TEKT4: variants seen among roughly 807,000 people sequenced by gnomAD.
TEKT4 encodes tektin-4.
In TEKT4, 46 loss-of-function variants were observed where a neutral mutation model predicts 46.0. That is an observed-to-expected ratio of 1.00 (90% CI 0.79 to 1.28). The LOEUF (loss-of-function observed/expected upper bound fraction) is 1.28. Among genes scored for constraint, TEKT4 ranks in the 50% most tolerant of loss-of-function variants. TEKT4 has a pLI of 0.00. For synonymous variants in TEKT4, 325 were observed against 265.8 expected, an observed-to-expected ratio of 1.22 and a Z score of -2.17; for missense variants, 790 against 622.9, an observed-to-expected ratio of 1.27 and a Z score of -2.85.
chr2:94,871,460 A>T lies in TEKT4; in HGVS notation c.-120A>T. On this transcript the variant is annotated 5_prime_UTR_variant, in exon 1 of 6. Coordinates refer to ENST00000295201, the MANE Select transcript of TEKT4 (RefSeq NM_144705.4). ...ACACAGTGTCACCCAAGCGACTGGG[A>T]GCCGCGTCCTGCTCTGGGACTGAGC... 1.5e-6 allele frequency: 2 copies of T among 1,294,510 alleles called. No homozygotes were observed. The highest frequency in any genetic ancestry group is 3.0e-5 in the African/African-American group (2 of 66,790). 80.2% of individuals were successfully genotyped at this position (1,294,510 alleles called of 1,614,324 possible). A position where few individuals can be genotyped will look rare whatever the true frequency, so the allele number is the denominator to read the frequency against.
In TEKT4 at chr2:94,874,200, G is replaced by A. The variant is rs1553395634; in HGVS notation, c.713+92G>A. The stretch of plus-strand genomic sequence containing the variant: ...CAGCGGCGCTGCTTTCACCAGCCTG[G>A]CCCGGAGGCCCTCGCCCCCGAGGGC... On this transcript the variant is annotated intron_variant, in intron 3 of 5. Coordinates refer to ENST00000295201, the MANE Select transcript of TEKT4 (RefSeq NM_144705.4). The A allele has an allele frequency of 1.2e-5, 18 of 1,440,708 alleles. No individual in the cohort carries two copies. The Admixed American group carries it at 1.6e-4, about 13-fold the overall frequency. 89.2% of individuals were successfully genotyped at this position (1,440,708 alleles called of 1,614,324 possible). A position where few individuals can be genotyped will look rare whatever the true frequency, so the allele number is the denominator to read the frequency against.
At position 94,874,062 on chromosome 2, in the gene TEKT4, A is replaced by G; in HGVS notation, c.667A>G (p.Ser223Gly). ...GACCTGCGGGCGCCACCACAGCCAG[A>G]GCACCGAGGTGCAGGCTCATCCGTA... Reference protein sequence around the residue: ...DETCGRHHSQSTEVQAHPYST... With the variant: ...DETCGRHHSQGTEVQAHPYST... Residue 223 changes from serine to glycine, a missense_variant, in exon 3 of 6, where the codon AGC becomes GGC. Coordinates refer to ENST00000295201, the MANE Select transcript of TEKT4 (RefSeq NM_144705.4). 1 of 1,613,652 alleles carries G rather than the reference A, an allele frequency of 6.2e-7. No individual in the cohort carries two copies.
Position 94,871,545 on chromosome 2 carries a change from C to A in TEKT4, c.-35C>A. 1 of 1,549,390 alleles carries A rather than the reference C, an allele frequency of 6.5e-7. No individual in the cohort carries two copies. Among genetic ancestry groups the A allele is most frequent in the Non-Finnish European group, 8.7e-7 (1 of 1,148,484 alleles). The stretch of plus-strand genomic sequence containing the variant: ...CCGCAACCGGCTGACCACACACAGT[C>A]CTCACTCCCCTGGCCCTGGTGGGCG... On this transcript the variant is annotated 5_prime_UTR_variant, in exon 1 of 6. Coordinates refer to ENST00000295201, the MANE Select transcript of TEKT4 (RefSeq NM_144705.4).
At chr2:94,873,728 G>T (rs1320345282) in intron 2 of TEKT4, 138 bp downstream of exon 2, 25 of 1,308,212 alleles carry the variant, frequency 1.9e-5, no homozygotes, top group Admixed American at 1.1e-4. Flanking sequence ...AGGACTGGGT[G>T]GGGGAGGTTC....
rs781840453 is a variant in TEKT4, at chr2:94,874,875, C to G, written c.813C>G (p.Asp271Glu). 28 of 1,610,182 alleles carry G rather than the reference C, an allele frequency of 1.7e-5. No homozygotes were observed. In the Admixed American group the frequency reaches 3.5e-4, roughly 20 times the overall value. Residue 271 changes from aspartate to glutamate, a missense_variant, in exon 4 of 6, where the codon GAC (aspartate) becomes GAG (glutamate). Coordinates refer to ENST00000295201, the MANE Select transcript of TEKT4 (RefSeq NM_144705.4). ...LASANLRVLV[D>E]CILRDTSEDL... The stretch of plus-strand genomic sequence containing the variant: ...CGGCCAACCTGCGGGTGCTGGTGGA[C>G]TGCATCCTTCGCGACACCTCCGAGG...
rs1483443448 is a variant in TEKT4, at chr2:94,875,646, A to G, written c.995A>G (p.Lys332Arg). 9.3e-6 allele frequency: 15 copies of G among 1,614,072 alleles called. No homozygotes were observed. Among genetic ancestry groups the G allele is most frequent in the Non-Finnish European group, 1.2e-5 (14 of 1,180,016 alleles). The part of the protein sequence containing the change: ...HNVAALKQAI[K>R]DKEAPLHVAQ... ...GTGGCGGCACTGAAGCAGGCCATCA[A>G]GGACAAAGAGGCACCTCTGCACGTA... The change falls in exon 5 of 6, where the codon AAG (lysine) becomes AGG (arginine). Residue 332 changes from lysine (K) to arginine (R), a missense_variant. Transcript: ENST00000295201.
Position 94,876,822 on chromosome 2 carries a change from T to A in TEKT4, c.*53T>A, listed in dbSNP as rs1363132643. On this transcript the variant is annotated 3_prime_UTR_variant, in exon 6 of 6. Coordinates refer to ENST00000295201, the MANE Select transcript of TEKT4 (RefSeq NM_144705.4). ...CCCCAAATAAACAGCGCGTTAGCTT[T>A]CTGCACAGTGTGTGTGTGTGCACGG... The A allele has an allele frequency of 1.7e-5, 26 of 1,525,346 alleles. No individual in the cohort carries two copies. In the East Asian group the frequency reaches 5.8e-4, roughly 34 times the overall value. 94.5% of individuals were successfully genotyped at this position (1,525,346 alleles called of 1,614,324 possible).
chr2:94,873,717 C>T (rs1477572116), intron 2 of TEKT4, 127 bp downstream of exon 2: 112 of 1,371,334 alleles, frequency 8.2e-5, no homozygotes, highest in Non-Finnish European at 1.1e-4. Flanking sequence ...CAGTGGAGCG[C>T]AGGACTGGGT....
chr2:94,872,952 C>G (rs112976342), intron 1 of TEKT4: 2 of 1,289,322 alleles, frequency 1.6e-6, no homozygotes, highest in Non-Finnish European at 2.0e-6. Context: ...GATAGAGGGG[C>G]GCAGGACCCG....
intron 4 of TEKT4, among the ~76,000 whole-genome samples, chr2:94,875,203 T>C (rs543295986): frequency 2.6e-5 from 4 of 152,272 alleles, no homozygotes; most frequent in Admixed American, 2.6e-4. Context: ...GTGGGGAGGA[T>C]GGAGGCAGGA....
At chr2:94,874,271 T>A (rs534994037) in intron 3 of TEKT4, among the ~76,000 whole-genome samples, 163 bp downstream of exon 3, 2 of 152,050 alleles carry the variant, frequency 1.3e-5, no homozygotes, top group East Asian at 3.9e-4. Context: ...GACCAAGACC[T>A]CCTCAAATGT....
At position 94,875,742 on chromosome 2, in the gene TEKT4, G is replaced by C; in HGVS notation, c.1091G>C (p.Arg364Thr). 6.2e-7 allele frequency: 1 copy of C among 1,613,260 alleles called. No homozygotes were observed. Among genetic ancestry groups the C allele is most frequent in the Non-Finnish European group, 8.5e-7 (1 of 1,179,526 alleles). The part of the protein sequence containing the change: ...MELCRDAAQF[R>T]LLSEVEELNM... ...CTGTGCCGTGACGCAGCCCAGTTCAGGTGCTGCCTGGGCCTCTGAGGCAGT... is the reference window on the plus strand; with the variant it reads ...CTGTGCCGTGACGCAGCCCAGTTCACGTGCTGCCTGGGCCTCTGAGGCAGT... The change falls in exon 5 of 6, where the codon AGG becomes ACG. Residue 364 changes from arginine to threonine, a missense_variant and splice_region_variant. Arg to Thr is a moderately conservative substitution (Grantham distance 71). Coordinates refer to ENST00000295201, the MANE Select transcript of TEKT4 (RefSeq NM_144705.4).
At chr2:94,875,780 T>C (rs113132487) in intron 5 of TEKT4, 38 bp downstream of exon 5, 1 of 1,595,550 alleles carries the variant, frequency 6.3e-7, no homozygotes, top group African/African-American at 1.3e-5. Flanking sequence ...CAGGTGGCCC[T>C]GTCCACCTCC....
At position 94,874,701 on chromosome 2, in the gene TEKT4, C is replaced by A. The variant is rs111743403; in HGVS notation, c.714-75C>A. The A allele has an allele frequency of 4.0e-5, 53 of 1,337,910 alleles. 1 individual carries two copies. In the African/African-American group the frequency reaches 6.3e-4, roughly 16 times the overall value. 82.9% of individuals were successfully genotyped at this position (1,337,910 alleles called of 1,614,324 possible). Reference sequence around the variant, plus strand: ...CCAGGAGCATGGGGCGCGGACAGGGCATGGGGGCGCAGCAGGGCTCCCAGC... The same window carrying A: ...CCAGGAGCATGGGGCGCGGACAGGGAATGGGGGCGCAGCAGGGCTCCCAGC... On this transcript the variant is annotated intron_variant, in intron 3 of 5. Transcript: ENST00000295201.
intron 3 of TEKT4, 55 bp from the exon 4 acceptor site, chr2:94,874,721 C>T: frequency 1.4e-6 from 2 of 1,466,184 alleles, no homozygotes; most frequent in Non-Finnish European, 1.8e-6. Flanking sequence ...CAGCAGGGCT[C>T]CCAGCCTTCG....
In TEKT4 at chr2:94,876,625, G is replaced by A. The variant is rs782356622; in HGVS notation, c.1164G>A (p.Gln388=). ...GAGAGAAGCTTCTAGAAGCGGAGCA[G>A]TCCCTGCGCAACCTCGAGGACATCC... ...ALREKLLEAE[Q]SLRNLEDIHM... The change falls in exon 6 of 6, where the codon CAG becomes CAA. Residue 388 remains glutamine (Q), a synonymous_variant. Coordinates refer to ENST00000295201, the MANE Select transcript of TEKT4 (RefSeq NM_144705.4). 53 of 1,613,018 alleles carry A rather than the reference G, an allele frequency of 3.3e-5. No homozygotes were observed. The highest frequency in any genetic ancestry group is 5.0e-5 in the Admixed American group (3 of 59,970).
intron 1 of TEKT4, 49 bp downstream of exon 1, chr2:94,872,126 G>GGC: frequency 2.2e-6 from 3 of 1,347,298 alleles, no homozygotes; most frequent in Non-Finnish European, 2.9e-6. Flanking sequence ...GAGAGGAGGA[G>GGC]CCCCCCCCCC....
intron 3 of TEKT4, among the ~76,000 whole-genome samples, chr2:94,874,574 G>C (rs545182065): frequency 6.6e-6 from 1 of 151,764 alleles, no homozygotes; most frequent in Non-Finnish European, 1.5e-5. Flanking sequence ...GGGTGTGGGG[G>C]GACTCAGAGA....
chr2:94,872,950 G>A (rs1680644734), intron 1 of TEKT4: 1 of 1,289,410 alleles, frequency 7.8e-7, no homozygotes, highest in Non-Finnish European at 1.0e-6. Flanking sequence ...GGGATAGAGG[G>A]GCGCAGGACC....
Sources: allele counts gnomAD v4.1 joint callset (sites outside exome capture counted in the v4.1 genomes callset), GRCh38; gene constraint gnomAD v4.1.1; transcripts MANE v1.5; gene names NCBI Gene and HGNC (gene_info 2026-07-23, HGNC 2026-07-21).